Variants in MCTP2 observed in about 807,000 individuals in gnomAD.
The protein encoded by MCTP2 is multiple C2 and transmembrane domain-containing protein 2.
In MCTP2, 132 loss-of-function variants were observed where a neutral mutation model predicts 111.6. That is an observed-to-expected ratio of 1.18 (90% confidence interval 1.03 to 1.37). The LOEUF is 1.37. Ranked by LOEUF, MCTP2 falls within the 40% of genes most tolerant of loss-of-function variation. MCTP2 has a pLI of 0.00. For synonymous variants in MCTP2, 395 were observed against 387.7 expected, an observed-to-expected ratio of 1.02 and a Z score of -0.22; for missense variants, 1,183 against 1,067.9, an observed-to-expected ratio of 1.11 and a Z score of -1.50.
chr15:94,379,453 C>T (rs1469590808), intron 12 of MCTP2, among the ~76,000 whole-genome samples: 4 of 152,020 alleles, frequency 2.6e-5, no homozygotes, highest in Admixed American at 6.6e-5. Flanking sequence ...GTCCCCCAAG[C>T]CTCTCTGAGC....
At chr15:94,440,867 C>G (rs924422179) in intron 18 of MCTP2, among the ~76,000 whole-genome samples, 6 of 152,136 alleles carry the variant, frequency 3.9e-5, no homozygotes, top group African/African-American at 1.2e-4. Context: ...AAGCAAGACC[C>G]TTTCTCAAAG....
At chr15:94,390,740 T>C (rs1350683811) in intron 14 of MCTP2, among the ~76,000 whole-genome samples, 2 of 146,424 alleles carry the variant, frequency 1.4e-5, no homozygotes, top group Non-Finnish European at 3.0e-5. Flanking sequence ...TTTTTTTTTT[T>C]TTTTTTTGGG....
chr15:94,382,966 A>T (rs901783483), intron 12 of MCTP2, among the ~76,000 whole-genome samples: 1 of 152,256 alleles, frequency 6.6e-6, no homozygotes, highest in African/African-American at 2.4e-5. Flanking sequence ...CTAACTTTGG[A>T]TCTGGAAATT....
chr15:94,364,082 G>A (rs990530929), intron 10 of MCTP2, among the ~76,000 whole-genome samples: 7 of 150,488 alleles, frequency 4.7e-5, no homozygotes, highest in African/African-American at 7.3e-5. Flanking sequence ...AAAAAAAGAC[G>A]TGTAATTCAC....
At chr15:94,266,862 C>A (rs2152291081) in intron 1 of MCTP2, among the ~76,000 whole-genome samples, 1 of 152,222 alleles carries the variant, frequency 6.6e-6, no homozygotes, top group South Asian at 2.1e-4. Flanking sequence ...AACATTTTTG[C>A]AATTTTGTGC....
intron 17 of MCTP2, among the ~76,000 whole-genome samples, chr15:94,420,249 T>C (rs74640346): frequency 0.02 from 3,001 of 152,236 alleles, 108 homozygotes; most frequent in African/African-American, 0.068. Context: ...TCATCGAACA[T>C]GTACCTAGCT....
chr15:94,359,671 C>G (rs892778299), intron 10 of MCTP2, among the ~76,000 whole-genome samples: 1 of 152,124 alleles, frequency 6.6e-6, no homozygotes, highest in Non-Finnish European at 1.5e-5. Flanking sequence ...AACCACTTTT[C>G]TAGTAAAAAC....
In MCTP2 at chr15:94,374,183, G is replaced by A. The variant is rs16949041; in HGVS notation, c.1582+4003G>A. On this transcript the variant is annotated intron_variant, in intron 12 of 22. Coordinates refer to ENST00000357742, the MANE Select transcript of MCTP2 (RefSeq NM_001385001.1). ...CATCTGATCATAAATTAATACTGTC[G>A]AAAGAAAATACAAAGTTAATCTCAT... is the stretch of plus-strand genomic sequence containing the variant. 7.5e-3 allele frequency among the ~76,000 whole-genome samples: 1,138 copies of A among 152,160 alleles called. 20 individuals are homozygous for A. The highest frequency in any genetic ancestry group is 0.025 in the African/African-American group (1,048 of 41,498).
At chr15:94,324,893 T>G (rs1268545386) in intron 4 of MCTP2, among the ~76,000 whole-genome samples, 1 of 152,186 alleles carries the variant, frequency 6.6e-6, no homozygotes, top group Non-Finnish European at 1.5e-5. Flanking sequence ...AAGTCCTGGT[T>G]TTCTTTTGCT....
Position 94,393,095 on chromosome 15 carries a change from T to A in MCTP2, c.1789-5866T>A, listed in dbSNP as rs139023641. Among the ~76,000 whole-genome samples, 751 of 152,264 alleles carry A rather than the reference T, an allele frequency of 4.9e-3. 8 individuals are homozygous for A. Among genetic ancestry groups the A allele is most frequent in the African/African-American group, 0.017 (708 of 41,566 alleles). ...CTGATAATATATTATCTTTGAATAA[T>A]AATATGTATTATCTATGAACATAAA... On this transcript the variant is annotated intron_variant, in intron 14 of 22. Coordinates refer to ENST00000357742, the MANE Select transcript of MCTP2 (RefSeq NM_001385001.1).
intron 19 of MCTP2, among the ~76,000 whole-genome samples, chr15:94,455,048 C>T (rs1350200959): frequency 2.0e-5 from 3 of 152,176 alleles, no homozygotes; most frequent in East Asian, 3.9e-4. Context: ...TCTCAAACTC[C>T]CGACCTCAAG....
At chr15:94,327,850 G>T (rs201613320) in intron 4 of MCTP2, among the ~76,000 whole-genome samples, 1 of 152,116 alleles carries the variant, frequency 6.6e-6, no homozygotes, top group South Asian at 2.1e-4. Flanking sequence ...TTGTTGTATG[G>T]TTTTGTTTTG....
chr15:94,434,660 A>G (rs1013024288), intron 17 of MCTP2, among the ~76,000 whole-genome samples: 6 of 152,084 alleles, frequency 3.9e-5, no homozygotes, highest in Admixed American at 3.9e-4. Context: ...AACTTTCTTA[A>G]AAATCAACCA....
intron 10 of MCTP2, among the ~76,000 whole-genome samples, chr15:94,361,341 G>T (rs1239250900): frequency 6.6e-6 from 1 of 151,958 alleles, no homozygotes; most frequent in Non-Finnish European, 1.5e-5. Flanking sequence ...TTCTCTTCAG[G>T]GAAGCTGTGT....
At chr15:94,242,895 G>A (rs1286278219) in intron 1 of MCTP2, among the ~76,000 whole-genome samples, 1 of 147,622 alleles carries the variant, frequency 6.8e-6, no homozygotes, top group Non-Finnish European at 1.5e-5. Context: ...CTAAATATAT[G>A]TATATATATG....
chr15:94,323,796 C>G (rs1300336898), intron 4 of MCTP2, among the ~76,000 whole-genome samples: 2 of 152,146 alleles, frequency 1.3e-5, no homozygotes, highest in Non-Finnish European at 2.9e-5. Context: ...GCTGTCTCAG[C>G]CATTGCCTGT....
intron 22 of MCTP2, among the ~76,000 whole-genome samples, chr15:94,477,608 T>C (rs1175088750): frequency 6.6e-6 from 1 of 152,210 alleles, no homozygotes; most frequent in African/African-American, 2.4e-5. Flanking sequence ...AATCCTTTAA[T>C]ATCTCAGAGA....
At position 94,358,597 on chromosome 15, in the gene MCTP2, A is replaced by G; in HGVS notation, c.1286A>G (p.Glu429Gly). 5 of 1,613,602 alleles carry G rather than the reference A, an allele frequency of 3.1e-6. No homozygotes were observed. The highest frequency in any genetic ancestry group is 4.2e-6 in the Non-Finnish European group (5 of 1,179,708). ...EVWGKDNKKH[E>G]ERLGTCKVDI... is the part of the protein sequence containing the mutation. ...TGGGGAAAGGACAACAAAAAGCATGAGGAACGTCTGGGCACGTGAGTCCCC... is the reference window on the plus strand; with the variant it reads ...TGGGGAAAGGACAACAAAAAGCATGGGGAACGTCTGGGCACGTGAGTCCCC... The change falls in exon 10 of 23, where the codon GAG (glutamate) becomes GGG (glycine). Residue 429 changes from glutamate to glycine, a missense_variant. Coordinates refer to ENST00000357742, the MANE Select transcript of MCTP2 (RefSeq NM_001385001.1).
intron 17 of MCTP2, among the ~76,000 whole-genome samples, chr15:94,416,643 G>A (rs1045390876): frequency 3.9e-5 from 6 of 152,228 alleles, no homozygotes; most frequent in Middle Eastern, 3.4e-3. Flanking sequence ...ATGCATATTC[G>A]TTTAATTACT....
Sources: allele counts gnomAD v4.1 joint callset (sites outside exome capture counted in the v4.1 genomes callset), GRCh38; gene constraint gnomAD v4.1.1; transcripts MANE v1.5; gene names NCBI Gene and HGNC (gene_info 2026-07-23, HGNC 2026-07-21).